Variants in CLK4 observed in about 807,000 individuals in gnomAD.
CLK4 encodes the protein dual specificity protein kinase CLK4.
CLK4 carries 37 observed loss-of-function variants against 64.4 expected under a neutral mutation model. The ratio of observed to expected loss-of-function variants is 0.57; its 90% CI spans 0.44 to 0.76. The LOEUF (loss-of-function observed/expected upper bound fraction) is 0.76. Among genes scored for constraint, CLK4 ranks in the 30% least tolerant of loss-of-function variants. CLK4 has a pLI of 0.00. For synonymous variants in CLK4, 175 were observed against 191.6 expected, an observed-to-expected ratio of 0.91 and a Z score of 0.72; for missense variants, 457 against 605.1, an observed-to-expected ratio of 0.76 and a Z score of 2.57.
intron 5 of CLK4, 123 bp downstream of exon 5, chr5:178,616,759 G>A: frequency 4.3e-6 from 3 of 704,436 alleles, no homozygotes; most frequent in South Asian, 1.9e-5. Flanking sequence ...TAGCACCACT[G>A]CACTCAAGCC....
intron 9 of CLK4, among the ~76,000 whole-genome samples, chr5:178,610,917 A>G (rs1161629356): frequency 6.6e-6 from 1 of 151,892 alleles, no homozygotes; most frequent in Non-Finnish European, 1.5e-5. Context: ...ACTAAAAACT[A>G]TAAAAATTAG....
Position 178,613,795 on chromosome 5 carries a change from G to GT in CLK4, c.590dup (p.Tyr197Ter). The change falls in exon 6 of 13, where the codon TAC (tyrosine) becomes TAAC (stop). Residue 197 changes from tyrosine to a stop codon, truncating the protein, a stop_gained and frameshift_variant. Transcript: ENST00000316308. LOFTEE classifies it high-confidence loss of function. ...GGATTTCTGAACGAGCTGCTTCACG[G>GT]TAACGGCCTACATTTTTTACGATTT... ...AVKIVKNVGR[Y>*]REAARSEIQV... The GT allele has an allele frequency of 6.2e-7, 1 of 1,614,034 alleles. No homozygotes were observed. The highest frequency in any genetic ancestry group is 8.5e-7 in the Non-Finnish European group (1 of 1,179,986).
rs548658690 is a variant in CLK4 at position 178,605,285 on chromosome 5, T to C, written c.1214+18A>G. On this transcript the variant is annotated intron_variant, in intron 11 of 12. Coordinates refer to ENST00000316308, the MANE Select transcript of CLK4 (RefSeq NM_020666.3). ...CTATTGCACATATCCAACAAAAGTCTTGAATCTTAAAACATACCTTGTTTT... is the reference window on the plus strand; with the variant it reads ...CTATTGCACATATCCAACAAAAGTCCTGAATCTTAAAACATACCTTGTTTT... 31 of 1,518,834 alleles carry C rather than the reference T, an allele frequency of 2.0e-5. No individual in the cohort carries two copies. The South Asian group carries it at 3.5e-4, about 17-fold the overall frequency. 94.1% of individuals were successfully genotyped at this position (1,518,834 alleles called of 1,614,324 possible).
Position 178,613,595 on chromosome 5 carries a change from A to C in CLK4, c.704T>G (p.Val235Gly). 1 of 1,610,966 alleles carries C rather than the reference A, an allele frequency of 6.2e-7. No individual in the cohort carries two copies. The highest frequency in any genetic ancestry group is 8.5e-7 in the Non-Finnish European group (1 of 1,179,212). Residue 235 changes from valine to glycine, a missense_variant, in exon 7 of 13, where the codon GTT becomes GGT. Physicochemically the swap from Val to Gly is moderately radical, Grantham distance 109. Coordinates refer to ENST00000316308, the MANE Select transcript of CLK4 (RefSeq NM_020666.3). ...TCCCAGTAGTTCAAACACAATACAAACATGACCATGATGATCAAACCATTC... is the reference window on the plus strand; with the variant it reads ...TCCCAGTAGTTCAAACACAATACAACCATGACCATGATGATCAAACCATTC... Reference protein sequence around the residue: ...MLEWFDHHGHVCIVFELLGLS... With the variant: ...MLEWFDHHGHGCIVFELLGLS...
chr5:178,610,007 T>C (rs1297588595), intron 9 of CLK4, among the ~76,000 whole-genome samples: 1 of 152,096 alleles, frequency 6.6e-6, no homozygotes, highest in Admixed American at 6.5e-5. Flanking sequence ...GTTTTATTTT[T>C]CAACCAGGCA....
Position 178,603,495 on chromosome 5 carries a change from AT to A in CLK4, c.*121del. ...ATGCTATTGATACAAAACATACAATATTTACACTTAACTGTACAAAATAATT... is the reference window on the plus strand; with the variant it reads ...ATGCTATTGATACAAAACATACAATATTACACTTAACTGTACAAAATAATT... On this transcript the variant is annotated 3_prime_UTR_variant, in exon 13 of 13. Coordinates refer to ENST00000316308, the MANE Select transcript of CLK4 (RefSeq NM_020666.3). 1.6e-6 allele frequency: 1 copy of A among 629,346 alleles called. No individual in the cohort carries two copies. Among genetic ancestry groups the A allele is most frequent in the Non-Finnish European group, 2.4e-6 (1 of 409,416 alleles). 39.0% of individuals were successfully genotyped at this position (629,346 alleles called of 1,614,324 possible).
intron 5 of CLK4, among the ~76,000 whole-genome samples, chr5:178,615,677 A>G (rs1764617277): frequency 6.6e-6 from 1 of 152,180 alleles, no homozygotes; most frequent in Non-Finnish European, 1.5e-5. Context: ...TTTATTTTTT[A>G]ATATTAATAT....
At position 178,616,890 on chromosome 5, in the gene CLK4, A is replaced by G; in HGVS notation, c.534T>C (p.Asp178=). ...GAFGKVVECI[D]HGMDGMHVAV... Reference sequence around the variant, plus strand: ...GGAAAAAACAAACTTACATGCCATGATCAATGCACTCTACAACTTTGCCAA... The same window carrying G: ...GGAAAAAACAAACTTACATGCCATGGTCAATGCACTCTACAACTTTGCCAA... The change falls in exon 5 of 13, where the codon GAT becomes GAC. Residue 178 remains aspartate (D), a synonymous_variant. Transcript: ENST00000316308. 6.2e-7 allele frequency: 1 copy of G among 1,612,428 alleles called. No homozygotes were observed. The highest frequency in any genetic ancestry group is 8.5e-7 in the Non-Finnish European group (1 of 1,178,460).
intron 3 of CLK4, chr5:178,618,167 G>A (rs1764654594): frequency 6.6e-6 from 1 of 152,104 alleles, no homozygotes; most frequent in African/African-American, 2.4e-5. Context: ...GTCCACCAGT[G>A]CAATATTTCA....
chr5:178,607,507 C>CTT (rs70997615), intron 10 of CLK4, among the ~76,000 whole-genome samples: 25,848 of 78,056 alleles, frequency 0.33, 6,648 homozygotes, highest in Non-Finnish European at 0.42. Flanking sequence ...TACACTTTGT[C>CTT]TTTTTTTTTT....
chr5:178,611,140 G>A (rs190460796), intron 9 of CLK4, among the ~76,000 whole-genome samples: 121 of 151,970 alleles, frequency 8.0e-4, no homozygotes, highest in Non-Finnish European at 1.5e-3. Flanking sequence ...CACACTGTAC[G>A]ATGCACCACT....
intron 1 of CLK4, among the ~76,000 whole-genome samples, chr5:178,626,597 G>C (rs1764784131): frequency 6.6e-6 from 1 of 152,242 alleles, no homozygotes; most frequent in Non-Finnish European, 1.5e-5. Context: ...GAATGCCAGA[G>C]ACGGCTCTCG....
At chr5:178,618,473 T>C in intron 3 of CLK4, 83 bp downstream of exon 3, 1 of 460,202 alleles carries the variant, frequency 2.2e-6, no homozygotes, top group Non-Finnish European at 3.7e-6. Context: ...TATATATATA[T>C]ATAAAAAATT....
At chr5:178,611,584 T>C (rs1764558091) in intron 9 of CLK4, among the ~76,000 whole-genome samples, 1 of 152,206 alleles carries the variant, frequency 6.6e-6, no homozygotes, top group Non-Finnish European at 1.5e-5. Flanking sequence ...CACAGGATTC[T>C]TGATTTCCTC....
At position 178,613,572 on chromosome 5, in the gene CLK4, C is replaced by T. The variant is rs1230743767; in HGVS notation, c.727G>A (p.Gly243Arg). The change falls in exon 7 of 13, where the codon GGA becomes AGA. Residue 243 changes from glycine to arginine, a missense_variant. Transcript: ENST00000316308. ...GHVCIVFELL[G>R]LSTYDFIKEN... is the part of the protein sequence containing the mutation. ...TTAATGAAATCGTAAGTACTAAGTC[C>T]CAGTAGTTCAAACACAATACAAACA... 1.2e-6 allele frequency: 2 copies of T among 1,612,274 alleles called. No homozygotes were observed. Among genetic ancestry groups the T allele is most frequent in the Non-Finnish European group, 1.7e-6 (2 of 1,179,388 alleles).
intron 10 of CLK4, among the ~76,000 whole-genome samples, chr5:178,606,691 G>A (rs73348421): frequency 0.019 from 2,871 of 152,188 alleles, 105 homozygotes; most frequent in African/African-American, 0.066. Flanking sequence ...GGCTGGGTGC[G>A]GTGGCTCACA....
rs56177248 is a variant in CLK4, at chr5:178,609,734, AATAT to A, written c.1052-1280_1052-1277del. On this transcript the variant is annotated intron_variant, in intron 9 of 12. Coordinates refer to ENST00000316308, the MANE Select transcript of CLK4 (RefSeq NM_020666.3). ...AAATAAAAAATAATAAAAATTTTAAAATATATATATATATATATATATAAATTAG... is the reference window on the plus strand; with the variant it reads ...AAATAAAAAATAATAAAAATTTTAAAATATATATATATATATATAAATTAG... Among the ~76,000 whole-genome samples the A allele has an allele frequency of 7.9e-3, 1,121 of 141,814 alleles. 11 individuals carry two copies. Among genetic ancestry groups the A allele is most frequent in the African/African-American group, 0.027 (1,035 of 39,014 alleles). 93.0% of individuals were successfully genotyped at this position (141,814 alleles called of 152,430 possible).
Position 178,618,500 on chromosome 5 carries a change from G to A in CLK4, c.384+56C>T, listed in dbSNP as rs1053897544. The A allele has an allele frequency of 4.9e-5, 51 of 1,051,250 alleles. No individual in the cohort carries two copies. The Admixed American group carries it at 5.8e-4, about 12-fold the overall frequency. The allele number at this position is 1,051,250 out of a possible 1,614,324, so 65.1% of individuals were successfully genotyped here. A position where few individuals can be genotyped will look rare whatever the true frequency, so the allele number is the denominator to read the frequency against. ...TAAAAAATTAGAAACTTATCAGCTC[G>A]TTAAGAGTACACACAAATAAAACTC... On this transcript the variant is annotated intron_variant, in intron 3 of 12. Transcript: ENST00000316308.
Position 178,605,328 on chromosome 5 carries a change from G to A in CLK4, c.1189C>T (p.Pro397Ser), listed in dbSNP as rs1010155900. Reference protein sequence around the residue: ...AMMERILGPIPQHMIQKTRKR... With the variant: ...AMMERILGPISQHMIQKTRKR... ...CTTGTTTTCTGAATCATGTGTTGTG[G>A]TATGGGTCCTAATATTCGTTCCATC... is the stretch of plus-strand genomic sequence containing the variant. The change falls in exon 11 of 13, where the codon CCA (proline) becomes TCA (serine). Residue 397 changes from proline to serine, a missense_variant. Physicochemically the swap from Pro to Ser is moderately conservative, Grantham distance 74. Transcript: ENST00000316308. The A allele has an allele frequency of 6.3e-7, 1 of 1,590,718 alleles. No individual in the cohort carries two copies. The highest frequency in any genetic ancestry group is 1.2e-5 in the South Asian group (1 of 86,638).
Sources: gnomAD v4.1 joint callset for allele counts (sites outside exome capture counted in the v4.1 genomes callset) on GRCh38, gnomAD v4.1.1 for gene constraint, MANE v1.5 for transcripts, NCBI Gene and HGNC (gene_info 2026-07-23, HGNC 2026-07-21) for gene names.